NELL1: variants seen among roughly 807,000 people sequenced by gnomAD.
NELL1 encodes neural EGFL like 1, also known as protein kinase C-binding protein NELL1.
A neutral mutation model predicts 107.4 loss-of-function variants in NELL1; 76 were observed. That is an observed-to-expected ratio of 0.71 (90% confidence interval 0.59 to 0.86). The LOEUF (loss-of-function observed/expected upper bound fraction) is 0.86, where lower values mean the gene tolerates loss of function less well. NELL1 is among the 40% of genes least tolerant of loss of function. NELL1 has a pLI of 0.00. For missense variants in NELL1, 1,024 were observed against 1,005.5 expected, an observed-to-expected ratio of 1.02 and a Z score of -0.25; for synonymous variants, 353 against 341.2, an observed-to-expected ratio of 1.03 and a Z score of -0.38.
At chr11:21,151,486 G>T (rs1302603751) in intron 13 of NELL1, among the ~76,000 whole-genome samples, 2 of 152,066 alleles carry the variant, frequency 1.3e-5, no homozygotes, top group Admixed American at 6.6e-5. Flanking sequence ...GTGGTGACGT[G>T]TGTAAATTTG....
intron 14 of NELL1, among the ~76,000 whole-genome samples, chr11:21,302,652 A>T (rs1849518776): frequency 6.6e-6 from 1 of 152,050 alleles, no homozygotes. Context: ...CTCAGTAATT[A>T]AAGATAGACT....
chr11:21,491,099 T>TAATATAAC lies in NELL1; in HGVS notation c.1646-43272_1646-43265dup, dbSNP rs1187941708. Reference sequence around the variant, plus strand: ...TCAAGGAACTCAAACAACTCAACAATAATATAACAAATAGTCCCATTAAAA... The same window carrying TAATATAAC: ...TCAAGGAACTCAAACAACTCAACAATAATATAACAATATAACAAATAGTCCCATTAAAA... On this transcript the variant is annotated intron_variant, in intron 15 of 19. Transcript: ENST00000357134. Among the ~76,000 whole-genome samples, 197 of 152,152 alleles carry TAATATAAC rather than the reference T, an allele frequency of 1.3e-3. 2 individuals carry two copies. Among genetic ancestry groups the TAATATAAC allele is most frequent in the African/African-American group, 4.7e-3 (194 of 41,554 alleles).
At chr11:21,152,974 A>G (rs988554625) in intron 13 of NELL1, among the ~76,000 whole-genome samples, 3 of 152,098 alleles carry the variant, frequency 2.0e-5, no homozygotes, top group African/African-American at 7.2e-5. Context: ...TATAATTTTC[A>G]TTTACATCAC....
At chr11:20,749,674 T>G in intron 2 of NELL1, among the ~76,000 whole-genome samples, 1 of 152,146 alleles carries the variant, frequency 6.6e-6, no homozygotes, top group South Asian at 2.1e-4. Context: ...TATTAACTGT[T>G]ATTGATGAGT....
chr11:21,113,651 C>T lies in NELL1; in HGVS notation c.1363C>T (p.Pro455Ser). 6.2e-7 allele frequency: 1 copy of T among 1,612,254 alleles called. No homozygotes were observed. The highest frequency in any genetic ancestry group is 1.7e-4 in the Middle Eastern group (1 of 6,042). The change falls in exon 13 of 20, where the codon CCT becomes TCT. Residue 455 changes from proline to serine, a missense_variant. By Grantham distance (74) the Pro-to-Ser change is moderately conservative. Transcript: ENST00000357134. Reference sequence around the variant, plus strand: ...TGCCAATACTGTGTGTGTCAACCTTCCTGGGTTATATCGCTGTGACTGTGT... The same window carrying T: ...TGCCAATACTGTGTGTGTCAACCTTTCTGGGTTATATCGCTGTGACTGTGT... ...CHANTVCVNL[P>S]GLYRCDCVPG...
chr11:21,074,716 A>C (rs1854094459), intron 12 of NELL1, among the ~76,000 whole-genome samples: 1 of 152,124 alleles, frequency 6.6e-6, no homozygotes. Context: ...TATAATTTAT[A>C]TACCACAAAG....
chr11:21,440,430 AT>A (rs1290090586), intron 15 of NELL1, among the ~76,000 whole-genome samples: 5 of 152,086 alleles, frequency 3.3e-5, no homozygotes, highest in African/African-American at 1.2e-4. Flanking sequence ...AAAAGTATTT[AT>A]TTAGGTGATG....
intron 14 of NELL1, among the ~76,000 whole-genome samples, chr11:21,307,830 C>T (rs752100785): frequency 6.6e-6 from 1 of 151,936 alleles, no homozygotes; most frequent in Non-Finnish European, 1.5e-5. Flanking sequence ...TCAATATGAA[C>T]CCAAGGTCAA....
rs372270346 is a variant in NELL1 at position 21,234,729 on chromosome 11, G to A, written c.1549+5275G>A. On this transcript the variant is annotated intron_variant, in intron 14 of 19. Transcript: ENST00000357134. ...GGAAGTTTCTGTTTGATGAGTTGCT[G>A]GATAAACTGTGTACAAGGAAAACAC... 9.2e-5 allele frequency among the ~76,000 whole-genome samples: 14 copies of A among 152,226 alleles called. No individual in the cohort carries two copies. The South Asian group carries it at 2.9e-3, about 32-fold the overall frequency.
chr11:21,242,700 G>C (rs1462463444), intron 14 of NELL1, among the ~76,000 whole-genome samples: 2 of 149,160 alleles, frequency 1.3e-5, no homozygotes, highest in Non-Finnish European at 3.0e-5. Flanking sequence ...CTCTCTGTTT[G>C]AGTAAACTCA....
At chr11:20,843,701 G>A (rs1042613166) in intron 3 of NELL1, among the ~76,000 whole-genome samples, 3 of 115,512 alleles carry the variant, frequency 2.6e-5, no homozygotes, top group African/African-American at 8.1e-5. Flanking sequence ...TCTCAAAATA[G>A]GATACTTTGG....
intron 12 of NELL1, among the ~76,000 whole-genome samples, chr11:21,094,482 T>A (rs1217235101): frequency 6.6e-6 from 1 of 152,214 alleles, no homozygotes; most frequent in East Asian, 1.9e-4. Flanking sequence ...GTAGGGTCTC[T>A]GTGTGGGGGC....
At chr11:21,386,606 A>G (rs1351950099) in intron 15 of NELL1, among the ~76,000 whole-genome samples, 1 of 151,902 alleles carries the variant, frequency 6.6e-6, no homozygotes, top group Non-Finnish European at 1.5e-5. Flanking sequence ...GGACTGCACT[A>G]TTAAGCACTT....
At chr11:20,878,336 G>A (rs547212345) in intron 4 of NELL1, among the ~76,000 whole-genome samples, 1 of 135,082 alleles carries the variant, frequency 7.4e-6, no homozygotes, top group African/African-American at 2.7e-5. Flanking sequence ...TTCAGCCTGG[G>A]GGACAGAGAG....
At chr11:21,129,999 A>G (rs775228752) in intron 13 of NELL1, among the ~76,000 whole-genome samples, 1 of 152,222 alleles carries the variant, frequency 6.6e-6, no homozygotes, top group East Asian at 1.9e-4. Context: ...CCCATTAGTA[A>G]GTTATGCAAA....
intron 3 of NELL1, among the ~76,000 whole-genome samples, chr11:20,837,121 C>T (rs376317172): frequency 3.9e-5 from 6 of 152,176 alleles, no homozygotes; most frequent in African/African-American, 1.4e-4. Context: ...GGACTAAAGG[C>T]GGAAGGAACT....
chr11:20,948,225 A>T (rs941622712), intron 11 of NELL1, among the ~76,000 whole-genome samples: 5 of 147,294 alleles, frequency 3.4e-5, no homozygotes, highest in African/African-American at 7.5e-5. Context: ...TTATTTATTT[A>T]TTTTTTTTTT....
rs71034505 is a variant in NELL1, at chr11:21,337,837, T to TTTCTTTCTTTCTTTC, written c.1550-33014_1550-33013insCTTTCTTTCTTTCTT. Among the ~76,000 whole-genome samples the TTTCTTTCTTTCTTTC allele has an allele frequency of 2.1e-3, 181 of 86,636 alleles. 6 individuals carry two copies. The highest frequency in any genetic ancestry group is 3.4e-3 in the South Asian group (8 of 2,332). The allele number at this position is 86,636 out of a possible 152,430, so 56.8% of individuals were successfully genotyped here. A position where few individuals can be genotyped will look rare whatever the true frequency, so the allele number is the denominator to read the frequency against. ...CTTTCCTTCTTTCTTTCTTTCTTTC[T>TTTCTTTCTTTCTTTC]TTTCTTTCTTTCTTTCTTTCTTTCT... On this transcript the variant is annotated intron_variant, in intron 14 of 19. Transcript: ENST00000357134.
chr11:20,913,712 T>C (rs999491682), intron 5 of NELL1, among the ~76,000 whole-genome samples: 6 of 151,900 alleles, frequency 3.9e-5, no homozygotes, highest in Admixed American at 3.3e-4. Flanking sequence ...CCGTACTAAA[T>C]AGTAAGCTTA....
Sources: gnomAD v4.1 joint callset for allele counts (sites outside exome capture counted in the v4.1 genomes callset) on GRCh38, gnomAD v4.1.1 for gene constraint, MANE v1.5 for transcripts, NCBI Gene and HGNC (gene_info 2026-07-23, HGNC 2026-07-21) for gene names.